The following JAK2 variants were observed in gnomAD, a reference collection of about 807,000 sequenced individuals.
The protein encoded by JAK2 is tyrosine-protein kinase JAK2.
Under a neutral mutation model 139.3 loss-of-function variants are expected in JAK2, and 86 were observed. The observed-to-expected ratio is 0.62, with a 90% confidence interval of 0.52 to 0.74. The LOEUF (loss-of-function observed/expected upper bound fraction) is 0.74. JAK2 is among the 30% of genes least tolerant of loss of function. JAK2 has a pLI of 0.00. For synonymous variants in JAK2, 490 were observed against 437.7 expected (o/e 1.12, Z -1.49); for missense variants, 1,421 against 1,360.3 (o/e 1.04, Z -0.70).
intron 2 of JAK2, among the ~76,000 whole-genome samples, chr9:5,006,409 C>G (rs1354609337): frequency 6.6e-6 from 1 of 152,054 alleles, no homozygotes; most frequent in Non-Finnish European, 1.5e-5. Flanking sequence ...ATGGGGTTTT[C>G]TAGATATACA....
At chr9:5,114,530 G>A (rs1403511090) in intron 22 of JAK2, 1 of 468,248 alleles carries the variant, frequency 2.1e-6, no homozygotes, top group South Asian at 1.7e-5. Context: ...AAGAGCCGAG[G>A]AACCAGGACA....
rs1183725942 is a variant in JAK2 at position 5,055,734 on chromosome 9, G to C, written c.1002G>C (p.Glu334Asp). Residue 334 changes from glutamate to aspartate, a missense_variant, in exon 8 of 25, where the codon GAG becomes GAC. Physicochemically the swap from Glu to Asp is conservative, Grantham distance 45. Transcript: ENST00000381652. Reference sequence around the variant, plus strand: ...TCAGTATTAAGCAAGCAAACCAAGAGGGTTCAAATGAAAGCCGAGTTGTAA... The same window carrying C: ...TCAGTATTAAGCAAGCAAACCAAGACGGTTCAAATGAAAGCCGAGTTGTAA... ...IDVSIKQANQ[E>D]GSNESRVVTI... 6.2e-7 allele frequency: 1 copy of C among 1,609,274 alleles called. No individual in the cohort carries two copies. Among genetic ancestry groups the C allele is most frequent in the Non-Finnish European group, 8.5e-7 (1 of 1,176,512 alleles).
intron 2 of JAK2, among the ~76,000 whole-genome samples, chr9:4,993,272 T>G (rs1201678690): frequency 6.6e-6 from 1 of 152,212 alleles, no homozygotes; most frequent in Non-Finnish European, 1.5e-5. Context: ...ATCTATGAGG[T>G]ACTGATTTAG....
intron 4 of JAK2, among the ~76,000 whole-genome samples, chr9:5,037,097 C>T (rs1406934158): frequency 6.6e-6 from 1 of 152,126 alleles, no homozygotes; most frequent in African/African-American, 2.4e-5. Flanking sequence ...AGCCAAAAGA[C>T]ATGAAAAAAT....
At chr9:5,114,099 G>A (rs1013197369) in intron 22 of JAK2, 5 of 333,744 alleles carry the variant, frequency 1.5e-5, no homozygotes, top group East Asian at 7.5e-5. Context: ...CTGGCTGCCC[G>A]ACCACACCTA....
chr9:5,001,047 T>G (rs1330547299), intron 2 of JAK2, among the ~76,000 whole-genome samples: 2 of 152,214 alleles, frequency 1.3e-5, no homozygotes, highest in African/African-American at 4.8e-5. Flanking sequence ...TTGTTTATTT[T>G]GTGATGTATC....
chr9:5,085,209 T>G, intron 19 of JAK2: 1 of 664,380 alleles, frequency 1.5e-6, no homozygotes, highest in Non-Finnish European at 2.9e-6. Flanking sequence ...CATTCATTTC[T>G]GGGAACTGCT....
At chr9:5,116,339 G>C (rs1823172574) in intron 22 of JAK2, among the ~76,000 whole-genome samples, 1 of 152,084 alleles carries the variant, frequency 6.6e-6, no homozygotes, top group Admixed American at 6.5e-5. Context: ...TCTCTAATTT[G>C]GGTAGGTTTG....
At chr9:4,984,894 C>T (rs1819852776), upstream of JAK2, 1 of 152,332 alleles carries the variant, frequency 6.6e-6, no homozygotes. Context: ...GCGCCGCCGC[C>T]TTAACTTCCT....
At chr9:5,101,175 C>G (rs375600591) in intron 22 of JAK2, among the ~76,000 whole-genome samples, 7 of 152,234 alleles carry the variant, frequency 4.6e-5, no homozygotes, top group African/African-American at 1.7e-4. Flanking sequence ...GACACTTTTG[C>G]CCAAATACTG....
chr9:5,116,845 A>G (rs1448417959), intron 22 of JAK2, among the ~76,000 whole-genome samples: 4 of 152,244 alleles, frequency 2.6e-5, no homozygotes, highest in African/African-American at 9.6e-5. Flanking sequence ...TCATATGTAT[A>G]ATATGGCACT....
chr9:5,052,052 A>T (rs1207939138), intron 6 of JAK2, among the ~76,000 whole-genome samples: 6 of 152,152 alleles, frequency 3.9e-5, no homozygotes, highest in African/African-American at 1.4e-4. Flanking sequence ...AGTTGGAGGA[A>T]GAGTATCTTA....
chr9:5,042,369 C>G (rs1019166061), intron 4 of JAK2, among the ~76,000 whole-genome samples: 18 of 151,436 alleles, frequency 1.2e-4, no homozygotes, highest in Admixed American at 1.2e-3. Flanking sequence ...GATCTCCTGA[C>G]CTCATGATCC....
intron 19 of JAK2, among the ~76,000 whole-genome samples, chr9:5,084,004 ATAATT>A (rs915552789): frequency 1.3e-5 from 2 of 152,134 alleles, no homozygotes; most frequent in Non-Finnish European, 2.9e-5. Flanking sequence ...TGAATATACC[ATAATT>A]TATTTACAAC....
chr9:5,112,212 G>C, intron 22 of JAK2: 1 of 274,312 alleles, frequency 3.6e-6, no homozygotes. Flanking sequence ...CCATGCTGCT[G>C]GTGGGGGCAG....
chr9:5,033,176 T>G (rs949657289), intron 4 of JAK2, among the ~76,000 whole-genome samples: 1 of 151,854 alleles, frequency 6.6e-6, no homozygotes, highest in African/African-American at 2.4e-5. Flanking sequence ...TGAAATGAAG[T>G]GAGAAGAGAA....
intron 22 of JAK2, chr9:5,110,737 G>A (rs1822412870): frequency 2.7e-6 from 1 of 366,278 alleles, no homozygotes; most frequent in African/African-American, 2.1e-5. Context: ...TAGTACCCGT[G>A]TTATTTTCTT....
intron 22 of JAK2, chr9:5,114,785 G>T: frequency 6.4e-6 from 2 of 314,820 alleles, no homozygotes; most frequent in Non-Finnish European, 6.2e-6. Context: ...TCAAGTAACT[G>T]TTGTCTGTAA....
At chr9:5,112,442 A>G in intron 22 of JAK2, 1 of 525,254 alleles carries the variant, frequency 1.9e-6, no homozygotes, top group Non-Finnish European at 3.5e-6. Flanking sequence ...ACTCAAGAGG[A>G]GAAGAAGGAG....
Sources: allele counts gnomAD v4.1 joint callset (sites outside exome capture counted in the v4.1 genomes callset), GRCh38; gene constraint gnomAD v4.1.1; transcripts MANE v1.5; gene names NCBI Gene and HGNC (gene_info 2026-07-23, HGNC 2026-07-21).